BMPR1A: variants seen among roughly 807,000 people sequenced by gnomAD.
BMPR1A encodes the protein bone morphogenetic protein receptor type-1A.
In BMPR1A, 7 loss-of-function variants were observed where a neutral mutation model predicts 66.0. The observed-to-expected ratio is 0.11, with a 90% CI of 0.06 to 0.20. BMPR1A has a LOEUF of 0.20. BMPR1A is among the 10% of genes least tolerant of loss of function. The pLI is 1.00. For synonymous variants in BMPR1A, 200 were observed against 229.7 expected (o/e 0.87, Z 1.17); for missense variants, 408 against 669.1 (o/e 0.61, Z 4.31).
chr10:86,771,531 G>T (rs890259502), intron 1 of BMPR1A, among the ~76,000 whole-genome samples: 1 of 152,138 alleles, frequency 6.6e-6, no homozygotes, highest in Non-Finnish European at 1.5e-5. Flanking sequence ...CTTGTCAAGG[G>T]TTGCATAGTT....
chr10:86,889,308 C>T (rs766637560), intron 3 of BMPR1A, among the ~76,000 whole-genome samples: 4 of 152,144 alleles, frequency 2.6e-5, no homozygotes, highest in Non-Finnish European at 5.9e-5. Context: ...AAACCAATGA[C>T]CTCGAGGTGA....
At chr10:86,800,765 A>G (rs550098206) in intron 1 of BMPR1A, among the ~76,000 whole-genome samples, 26 of 152,362 alleles carry the variant, frequency 1.7e-4, no homozygotes, top group African/African-American at 5.8e-4. Context: ...TTCTATTTAT[A>G]TCTGTCAAAA....
intron 9 of BMPR1A, among the ~76,000 whole-genome samples, chr10:86,918,293 A>AT (rs11429261): frequency 0.038 from 5,860 of 152,222 alleles, 394 homozygotes; most frequent in African/African-American, 0.13. Context: ...TTAGACATGA[A>AT]TTTTGTCGGG....
At chr10:86,791,689 C>CT (rs1564686250) in intron 1 of BMPR1A, among the ~76,000 whole-genome samples, 2 of 86,286 alleles carry the variant, frequency 2.3e-5, no homozygotes, top group Non-Finnish European at 4.7e-5. Flanking sequence ...TACTTCCTTC[C>CT]TCCCTCCCTC....
At chr10:86,896,395 G>T (rs1470361708) in intron 5 of BMPR1A, among the ~76,000 whole-genome samples, 3 of 152,078 alleles carry the variant, frequency 2.0e-5, no homozygotes, top group Non-Finnish European at 4.4e-5. Context: ...TGCTAATAAT[G>T]ATTATGATAA....
At chr10:86,873,863 A>T (rs143613333) in intron 2 of BMPR1A, among the ~76,000 whole-genome samples, 60 of 152,342 alleles carry the variant, frequency 3.9e-4, no homozygotes, top group African/African-American at 1.4e-3. Context: ...ATGGGAAACA[A>T]TTTTATATTA....
chr10:86,818,092 C>T (rs1291591244), intron 1 of BMPR1A, among the ~76,000 whole-genome samples: 1 of 152,166 alleles, frequency 6.6e-6, no homozygotes, highest in Non-Finnish European at 1.5e-5. Context: ...GATCTCAGCT[C>T]ACTGCAACCT....
At chr10:86,777,115 T>A (rs1841361564) in intron 1 of BMPR1A, among the ~76,000 whole-genome samples, 1 of 152,184 alleles carries the variant, frequency 6.6e-6, no homozygotes, top group Admixed American at 6.5e-5. Flanking sequence ...TTATTCAGTT[T>A]AATTTCTGTT....
At chr10:86,869,418 C>T (rs1286419905) in intron 2 of BMPR1A, among the ~76,000 whole-genome samples, 1 of 145,694 alleles carries the variant, frequency 6.9e-6, no homozygotes, top group Non-Finnish European at 1.5e-5. Flanking sequence ...GGTTGCACCA[C>T]TGCAGTCCAG....
chr10:86,931,276 T>TACACAC (rs1564727936), downstream of BMPR1A: 2 of 87,610 alleles, frequency 2.3e-5, no homozygotes, highest in Non-Finnish European at 4.0e-5. Flanking sequence ...TATATATATA[T>TACACAC]ATATACACAC....
chr10:86,842,336 A>C (rs1726315190), intron 2 of BMPR1A, among the ~76,000 whole-genome samples: 1 of 152,206 alleles, frequency 6.6e-6, no homozygotes, highest in African/African-American at 2.4e-5. Flanking sequence ...GAGGAAAAAT[A>C]GTTTGAGTGT....
At chr10:86,807,102 T>C (rs1226434787) in intron 1 of BMPR1A, among the ~76,000 whole-genome samples, 1 of 152,136 alleles carries the variant, frequency 6.6e-6, no homozygotes, top group Non-Finnish European at 1.5e-5. Flanking sequence ...GAAACCAAGA[T>C]CTGGGTCTTA....
chr10:86,931,280 T>TACACACACACACACACAC (rs1271685565), downstream of BMPR1A: 1 of 96,830 alleles, frequency 1.0e-5, no homozygotes, highest in African/African-American at 5.5e-5. Flanking sequence ...TATATATATA[T>TACACACACACACACACAC]ACACACACAC....
At chr10:86,774,309 T>G (rs1229507186) in intron 1 of BMPR1A, among the ~76,000 whole-genome samples, 1 of 152,180 alleles carries the variant, frequency 6.6e-6, no homozygotes, top group African/African-American at 2.4e-5. Context: ...TCAGTGATAC[T>G]AAAAGAGTGT....
chr10:86,759,564 T>C (rs1002469572), intron 1 of BMPR1A, among the ~76,000 whole-genome samples: 2 of 152,250 alleles, frequency 1.3e-5, no homozygotes, highest in African/African-American at 4.8e-5. Flanking sequence ...TTTCATCATA[T>C]CTTGTCTGTA....
At chr10:86,884,761 C>T (rs1564713123) in intron 3 of BMPR1A, among the ~76,000 whole-genome samples, 1 of 151,630 alleles carries the variant, frequency 6.6e-6, no homozygotes, top group African/African-American at 2.4e-5. Flanking sequence ...TTTCTAGAAG[C>T]TTTTTTTTGC....
chr10:86,774,992 AAC>A, intron 1 of BMPR1A, among the ~76,000 whole-genome samples: 1 of 152,234 alleles, frequency 6.6e-6, no homozygotes, highest in Non-Finnish European at 1.5e-5. Context: ...TGAAAGGAAG[AAC>A]AATACTAAGT....
intron 1 of BMPR1A, among the ~76,000 whole-genome samples, chr10:86,803,915 G>C (rs561568576): frequency 1.3e-5 from 2 of 151,958 alleles, no homozygotes; most frequent in Non-Finnish European, 2.9e-5. Context: ...TAATAAATTC[G>C]CGTTTCATCT....
rs1403895635 is a variant in BMPR1A at position 86,926,246 on chromosome 10, G to T, written c.*2527G>T. On this transcript the variant is annotated 3_prime_UTR_variant, in exon 13 of 13. Transcript: ENST00000372037. Reference sequence around the variant, plus strand: ...AATCTTAATCTAAAAATGTGGCCGGGCGCGGTGGCTCACGCCTGTAATCCC... The same window carrying T: ...AATCTTAATCTAAAAATGTGGCCGGTCGCGGTGGCTCACGCCTGTAATCCC... 6.4e-6 allele frequency: 1 copy of T among 155,672 alleles called. No individual in the cohort carries two copies. The highest frequency in any genetic ancestry group is 1.4e-5 in the Non-Finnish European group (1 of 70,050). The allele number at this position is 155,672 out of a possible 1,614,324, so 9.6% of individuals were successfully genotyped here. A position where few individuals can be genotyped will look rare whatever the true frequency, so the allele number is the denominator to read the frequency against.
Sources: allele counts gnomAD v4.1 joint callset (sites outside exome capture counted in the v4.1 genomes callset), GRCh38; gene constraint gnomAD v4.1.1; transcripts MANE v1.5; gene names NCBI Gene and HGNC (gene_info 2026-07-23, HGNC 2026-07-21).